Variants in MYRIP observed in about 807,000 individuals in gnomAD.
MYRIP encodes the protein rab effector MyRIP.
Under a neutral mutation model 98.0 loss-of-function variants are expected in MYRIP, and 49 were observed. That is an observed-to-expected ratio of 0.50 (90% CI 0.40 to 0.63). MYRIP has a LOEUF of 0.63. Among genes scored for constraint, MYRIP ranks in the 30% least tolerant of loss-of-function variants. The probability of loss-of-function intolerance (pLI) is 0.00; values close to 1 mark genes in which losing one functional copy is unlikely to be tolerated. For missense variants in MYRIP, 1,004 were observed against 1,058.2 expected, an observed-to-expected ratio of 0.95 and a Z score of 0.71; for synonymous variants, 404 against 409.5, an observed-to-expected ratio of 0.99 and a Z score of 0.16.
intron 3 of MYRIP, among the ~76,000 whole-genome samples, chr3:40,137,588 G>A (rs946322343): frequency 1.6e-4 from 25 of 152,150 alleles, no homozygotes; most frequent in Non-Finnish European, 1.0e-4. Flanking sequence ...GCAAAAAACA[G>A]AATTTTAGAC....
intron 2 of MYRIP, among the ~76,000 whole-genome samples, chr3:39,967,067 G>A (rs1945460309): frequency 2.0e-5 from 3 of 152,094 alleles, no homozygotes; most frequent in Non-Finnish European, 4.4e-5. Context: ...TATCTGGCAG[G>A]GTTATTTAGG....
At chr3:40,192,330 T>TATATATATGAC (rs1553624983) in intron 10 of MYRIP, among the ~76,000 whole-genome samples, 1 of 100,090 alleles carries the variant, frequency 1.0e-5, no homozygotes, top group Non-Finnish European at 1.9e-5. Context: ...ATATATGTCA[T>TATATATATGAC]ATATATATAT....
At chr3:39,881,119 T>C (rs558942193) in intron 1 of MYRIP, among the ~76,000 whole-genome samples, 1 of 152,274 alleles carries the variant, frequency 6.6e-6, no homozygotes, top group South Asian at 2.1e-4. Context: ...TAATTTAGCA[T>C]CCTGTTTCTT....
At chr3:39,824,777 A>G (rs1229956911) in intron 1 of MYRIP, among the ~76,000 whole-genome samples, 1 of 151,684 alleles carries the variant, frequency 6.6e-6, no homozygotes, top group African/African-American at 2.4e-5. Context: ...GTGCAGTGGC[A>G]TGATCATAGC....
At chr3:40,068,056 C>A (rs1303472330) in intron 3 of MYRIP, among the ~76,000 whole-genome samples, 1 of 152,108 alleles carries the variant, frequency 6.6e-6, no homozygotes, top group Non-Finnish European at 1.5e-5. Context: ...GAACATTGGG[C>A]GTTTCTTCTC....
chr3:40,206,308 A>C (rs1466473485), intron 10 of MYRIP, among the ~76,000 whole-genome samples: 6 of 152,094 alleles, frequency 3.9e-5, no homozygotes, highest in African/African-American at 1.4e-4. Flanking sequence ...TACTTGATGA[A>C]TATTATATGG....
chr3:40,138,788 G>A (rs1000272779), intron 3 of MYRIP, among the ~76,000 whole-genome samples: 6 of 152,170 alleles, frequency 3.9e-5, no homozygotes, highest in African/African-American at 9.7e-5. Flanking sequence ...AAACATAGCT[G>A]CCATGTCAAG....
intron 1 of MYRIP, among the ~76,000 whole-genome samples, chr3:39,895,683 G>T (rs958974478): frequency 6.6e-6 from 1 of 152,080 alleles, no homozygotes; most frequent in African/African-American, 2.4e-5. Flanking sequence ...TAATCAATAA[G>T]AAAATTCATT....
rs542921977 is a variant in MYRIP, at chr3:39,973,122, T to A, written c.111-70928T>A. ...ACAGACTGGCAAATTGGATAAAGAG[T>A]CAAGACCCATCAGGGTGCTGTATTC... On this transcript the variant is annotated intron_variant, in intron 2 of 16. Transcript: ENST00000302541. 2.0e-5 allele frequency among the ~76,000 whole-genome samples: 3 copies of A among 151,902 alleles called. No homozygotes were observed. The East Asian group carries it at 5.8e-4, about 29-fold the overall frequency.
intron 1 of MYRIP, among the ~76,000 whole-genome samples, chr3:39,887,116 A>G (rs1488003964): frequency 6.6e-6 from 1 of 152,068 alleles, no homozygotes; most frequent in Non-Finnish European, 1.5e-5. Flanking sequence ...ATGAAGGCAG[A>G]AATAAAGATG....
intron 2 of MYRIP, among the ~76,000 whole-genome samples, chr3:40,021,863 A>G (rs967237572): frequency 1.3e-5 from 2 of 152,226 alleles, no homozygotes; most frequent in Non-Finnish European, 2.9e-5. Context: ...CCTTAGTGGC[A>G]CTGAAGATGT....
chr3:39,874,426 A>T (rs945162785), intron 1 of MYRIP, among the ~76,000 whole-genome samples: 4 of 152,012 alleles, frequency 2.6e-5, no homozygotes, highest in Non-Finnish European at 5.9e-5. Flanking sequence ...GCCAGTTTTC[A>T]AAGGGAATGC....
chr3:39,994,609 G>C (rs1461561032), intron 2 of MYRIP, among the ~76,000 whole-genome samples: 2 of 152,186 alleles, frequency 1.3e-5, no homozygotes, highest in Admixed American at 6.5e-5. Context: ...TCCACCTCTG[G>C]GGGCAGGGCA....
At chr3:40,166,447 C>A (rs1950501340) in intron 5 of MYRIP, among the ~76,000 whole-genome samples, 1 of 152,242 alleles carries the variant, frequency 6.6e-6, no homozygotes, top group East Asian at 1.9e-4. Flanking sequence ...GGGTATGGAG[C>A]CTTTTTGGAT....
intron 9 of MYRIP, among the ~76,000 whole-genome samples, chr3:40,187,496 G>A (rs759708244): frequency 1.3e-5 from 2 of 152,152 alleles, no homozygotes; most frequent in African/African-American, 4.8e-5. Context: ...GCATCCCCTC[G>A]TGCAGTCCTC....
chr3:40,132,257 A>T lies in MYRIP; in HGVS notation c.333-18791A>T, dbSNP rs11923185. On this transcript the variant is annotated intron_variant, in intron 3 of 16. Coordinates refer to ENST00000302541, the MANE Select transcript of MYRIP (RefSeq NM_015460.4). ...GCAGAAAAGGAGCCTCACTTTTTTT[A>T]AAATTAGAACTTAGTTACAGAAGAG... Among the ~76,000 whole-genome samples the T allele has an allele frequency of 8.5e-3, 1,300 of 152,196 alleles. 23 individuals carry two copies. The highest frequency in any genetic ancestry group is 0.03 in the African/African-American group (1,249 of 41,514).
At chr3:40,098,575 T>C (rs1022000190) in intron 3 of MYRIP, among the ~76,000 whole-genome samples, 2 of 152,170 alleles carry the variant, frequency 1.3e-5, no homozygotes, top group African/African-American at 4.8e-5. Context: ...GAATCATCCA[T>C]GCATACTCAC....
At chr3:40,011,727 A>G (rs78216434) in intron 2 of MYRIP, among the ~76,000 whole-genome samples, 15,154 of 152,174 alleles carry the variant, frequency 0.1, 1,280 homozygotes, top group African/African-American at 0.22. Flanking sequence ...TAGGAAAGTA[A>G]AGTTCCTGGG....
rs1951153996 is a variant in MYRIP, at chr3:40,189,912, C to T, written c.1114C>T (p.Pro372Ser). The change falls in exon 10 of 17, where the codon CCT (proline) becomes TCT (serine). Residue 372 changes from proline to serine, a missense_variant. Coordinates refer to ENST00000302541, the MANE Select transcript of MYRIP (RefSeq NM_015460.4). ...APPPTRLLAK[P>S]KSGTFQALEV... ...ACCCCCCACCCGACTACTGGCCAAA[C>T]CTAAGAGCGGGACGTTTCAGGCCCT... is the stretch of plus-strand genomic sequence containing the variant. The T allele has an allele frequency of 6.2e-7, 1 of 1,614,198 alleles. No individual in the cohort carries two copies. Among genetic ancestry groups the T allele is most frequent in the South Asian group, 1.1e-5 (1 of 91,084 alleles).
Sources: gnomAD v4.1 joint callset for allele counts (sites outside exome capture counted in the v4.1 genomes callset) on GRCh38, gnomAD v4.1.1 for gene constraint, MANE v1.5 for transcripts, NCBI Gene and HGNC (gene_info 2026-07-23, HGNC 2026-07-21) for gene names.